Variants in SH3GL3 observed in about 807,000 individuals in gnomAD.
The protein encoded by SH3GL3 is SH3 domain containing GRB2 like 3, endophilin A3.
Under a neutral mutation model 47.7 loss-of-function variants are expected in SH3GL3, and 33 were observed. The observed-to-expected ratio is 0.69, with a 90% CI of 0.52 to 0.92. The LOEUF (loss-of-function observed/expected upper bound fraction) is 0.92. Among genes scored for constraint, SH3GL3 ranks in the 40% least tolerant of loss-of-function variants. The probability of loss-of-function intolerance (pLI) is 0.00; values close to 1 mark genes in which losing one functional copy is unlikely to be tolerated. For synonymous variants in SH3GL3, 155 were observed against 148.8 expected (o/e 1.04, Z -0.30); for missense variants, 363 against 417.8 (o/e 0.87, Z 1.14).
rs1171606209 is a variant in SH3GL3, at chr15:83,448,535, T to C, written c.45+957T>C. Reference sequence around the variant, plus strand: ...TCAACATTGCAGGCTCTTCCAGCTATGGCAGAGCTCACGTTGTAAAACCTG... The same window carrying C: ...TCAACATTGCAGGCTCTTCCAGCTACGGCAGAGCTCACGTTGTAAAACCTG... On this transcript the variant is annotated intron_variant, in intron 1 of 8. Coordinates refer to ENST00000427482, the MANE Select transcript of SH3GL3 (RefSeq NM_003027.5). This position sits in a 1 kb window ranked among gnomAD's most constrained non-coding sequence, Gnocchi z 4.2. 2.0e-5 allele frequency among the ~76,000 whole-genome samples: 3 copies of C among 151,538 alleles called. No individual in the cohort carries two copies. Among genetic ancestry groups the C allele is most frequent in the African/African-American group, 7.3e-5 (3 of 41,182 alleles).
the SH3GL3 span, among the ~76,000 whole-genome samples, chr15:83,631,735 T>C: frequency 1.3e-5 from 2 of 152,130 alleles, no homozygotes; most frequent in African/African-American, 4.8e-5. Flanking sequence ...CATGAAACCA[T>C]TTCTCCCTCC....
chr15:83,541,856 G>A (rs968552982), intron 1 of SH3GL3, among the ~76,000 whole-genome samples: 2 of 151,994 alleles, frequency 1.3e-5, no homozygotes, highest in African/African-American at 4.8e-5. Flanking sequence ...CTTTTATTCT[G>A]GTTATTAATC....
intron 8 of SH3GL3, among the ~76,000 whole-genome samples, chr15:83,593,032 C>T (rs925493787): frequency 1.3e-5 from 2 of 152,216 alleles, no homozygotes; most frequent in African/African-American, 4.8e-5. Context: ...ATAATATTCA[C>T]AGCAGTATCA....
intron 3 of SH3GL3, among the ~76,000 whole-genome samples, chr15:83,567,309 T>C (rs1252269609): frequency 2.6e-5 from 4 of 152,336 alleles, no homozygotes; most frequent in Admixed American, 2.6e-4. Context: ...TATTGCCGCC[T>C]TTCCCTTGCC....
At chr15:83,586,026 T>C (rs929791173) in intron 6 of SH3GL3, among the ~76,000 whole-genome samples, 3 of 152,188 alleles carry the variant, frequency 2.0e-5, no homozygotes, top group African/African-American at 7.2e-5. Flanking sequence ...AAATGAAGTA[T>C]GGAAATGATG....
At chr15:83,619,779 G>C (rs546169954), downstream of SH3GL3, among the ~76,000 whole-genome samples, 1 of 152,334 alleles carries the variant, frequency 6.6e-6, no homozygotes, top group East Asian at 1.9e-4. Context: ...GCTGAAGGTT[G>C]GGGTGTCTGT....
intron 1 of SH3GL3, among the ~76,000 whole-genome samples, chr15:83,505,596 C>T (rs923705596): frequency 4.8e-5 from 7 of 146,558 alleles, no homozygotes; most frequent in South Asian, 2.2e-4. Flanking sequence ...GATGCGATCT[C>T]GGCTCACTGC....
At chr15:83,619,458 C>T (rs117438024), downstream of SH3GL3, among the ~76,000 whole-genome samples, 113 of 152,160 alleles carry the variant, frequency 7.4e-4, 1 homozygote, top group East Asian at 0.021. Context: ...ATAGCTAATG[C>T]GTGTCGGGCT....
At chr15:83,617,475 G>A (rs929502724) in intron 8 of SH3GL3, among the ~76,000 whole-genome samples, 14 of 152,132 alleles carry the variant, frequency 9.2e-5, no homozygotes, top group African/African-American at 3.4e-4. Flanking sequence ...CCAGGAGTTC[G>A]AGACCAGACT....
intron 1 of SH3GL3, among the ~76,000 whole-genome samples, chr15:83,546,778 G>T (rs2044421219): frequency 6.6e-6 from 1 of 152,140 alleles, no homozygotes; most frequent in Non-Finnish European, 1.5e-5. Flanking sequence ...TGAATTCTGT[G>T]ACACTGGGTC....
chr15:83,589,628 C>T (rs543475925), intron 8 of SH3GL3, among the ~76,000 whole-genome samples: 12 of 152,288 alleles, frequency 7.9e-5, no homozygotes, highest in Non-Finnish European at 4.4e-5. Flanking sequence ...CCTTCTGCCT[C>T]GGCCTTCTGA....
At chr15:83,594,062 G>A (rs753519752) in intron 8 of SH3GL3, among the ~76,000 whole-genome samples, 1 of 152,104 alleles carries the variant, frequency 6.6e-6, no homozygotes. Context: ...CAAGCTATTC[G>A]CCTGCTTCGG....
intron 8 of SH3GL3, among the ~76,000 whole-genome samples, chr15:83,613,236 G>A (rs1244988903): frequency 4.6e-5 from 7 of 152,226 alleles, no homozygotes; most frequent in Non-Finnish European, 7.3e-5. Context: ...TGGCTGGAGG[G>A]CCAGGTGCAC....
chr15:83,625,911 C>T, the SH3GL3 span, among the ~76,000 whole-genome samples: 1 of 152,154 alleles, frequency 6.6e-6, no homozygotes, highest in African/African-American at 2.4e-5. Context: ...TGGCCCACTG[C>T]AACCTCTGCC....
chr15:83,615,228 A>G (rs1326862193), intron 8 of SH3GL3, among the ~76,000 whole-genome samples: 1 of 152,192 alleles, frequency 6.6e-6, no homozygotes, highest in Non-Finnish European at 1.5e-5. Context: ...AAATATACCT[A>G]GTTAAATGAA....
intron 1 of SH3GL3, among the ~76,000 whole-genome samples, chr15:83,500,599 G>C (rs1368940255): frequency 6.6e-6 from 1 of 152,230 alleles, no homozygotes; most frequent in Non-Finnish European, 1.5e-5. Flanking sequence ...GGTGAAACCC[G>C]GAAGTGTTGG....
At chr15:83,590,830 A>G (rs1321162440) in intron 8 of SH3GL3, among the ~76,000 whole-genome samples, 1 of 152,106 alleles carries the variant, frequency 6.6e-6, no homozygotes, top group Non-Finnish European at 1.5e-5. Flanking sequence ...TTCTTTCTAT[A>G]TATGTGATTT....
intron 1 of SH3GL3, among the ~76,000 whole-genome samples, chr15:83,528,041 T>C (rs1253645069): frequency 6.6e-6 from 1 of 152,192 alleles, no homozygotes; most frequent in East Asian, 1.9e-4. Context: ...TCTCCTTATT[T>C]TATGAAGGAT....
At chr15:83,491,224 C>G (rs189508065) in intron 1 of SH3GL3, among the ~76,000 whole-genome samples, 2 of 152,214 alleles carry the variant, frequency 1.3e-5, no homozygotes, top group Middle Eastern at 3.4e-3. Flanking sequence ...AGTGCGGACT[C>G]CATTCTGCAA....
Sources: allele counts gnomAD v4.1 joint callset (sites outside exome capture counted in the v4.1 genomes callset), GRCh38; gene constraint gnomAD v4.1.1; non-coding constraint Gnocchi (gnomAD v3.1); transcripts MANE v1.5; gene names NCBI Gene and HGNC (gene_info 2026-07-23, HGNC 2026-07-21).